Variants in KCNQ5 observed in about 807,000 individuals in gnomAD.
KCNQ5 encodes potassium voltage-gated channel subfamily KQT member 5.
In KCNQ5, 30 loss-of-function variants were observed where a neutral mutation model predicts 98.2. The observed-to-expected ratio is 0.31, with a 90% CI of 0.23 to 0.41. The LOEUF (loss-of-function observed/expected upper bound fraction) is 0.41, where lower values mean the gene tolerates loss of function less well. Ranked by LOEUF, KCNQ5 falls within the 10% of genes least tolerant of loss-of-function variation. The pLI is 1.00. For missense variants in KCNQ5, 835 were observed against 1,182.5 expected (o/e 0.71, Z 4.31); for synonymous variants, 458 against 449.4 (o/e 1.02, Z -0.24).
intron 1 of KCNQ5, among the ~76,000 whole-genome samples, chr6:72,637,530 G>A (rs151289337): frequency 6.6e-6 from 1 of 152,194 alleles, no homozygotes; most frequent in East Asian, 1.9e-4. Flanking sequence ...TCCCAGTGCA[G>A]CTAAGGTCAA....
intron 1 of KCNQ5, among the ~76,000 whole-genome samples, chr6:72,687,133 C>G (rs939042031): frequency 2.0e-5 from 3 of 152,122 alleles, no homozygotes; most frequent in Non-Finnish European, 2.9e-5. Context: ...TTACCTTGAG[C>G]AGCCAGAAGT....
At chr6:72,767,550 G>T (rs1284762062) in intron 1 of KCNQ5, among the ~76,000 whole-genome samples, 2 of 151,844 alleles carry the variant, frequency 1.3e-5, no homozygotes, top group African/African-American at 4.8e-5. Flanking sequence ...AGTGAAAAGA[G>T]AACCCACAGA....
chr6:72,714,490 A>G (rs1402210854), intron 1 of KCNQ5, among the ~76,000 whole-genome samples: 2 of 152,056 alleles, frequency 1.3e-5, no homozygotes, highest in Admixed American at 6.6e-5. Flanking sequence ...AACACATCCC[A>G]TGCAATATTG....
At chr6:73,048,367 CAT>C (rs1006104750) in intron 3 of KCNQ5, among the ~76,000 whole-genome samples, 103 of 152,194 alleles carry the variant, frequency 6.8e-4, no homozygotes, top group African/African-American at 2.4e-3. Context: ...AAGGTGGAGA[CAT>C]AAGGTCTCGT....
intron 1 of KCNQ5, among the ~76,000 whole-genome samples, chr6:72,854,758 T>TTGTGTGTGTG (rs34867008): frequency 7.4e-4 from 94 of 127,152 alleles, no homozygotes; most frequent in African/African-American, 2.6e-3. Flanking sequence ...ACACCATGGT[T>TTGTGTGTGTG]TGTGTGTGTG....
At chr6:72,941,865 C>T (rs955140333) in intron 1 of KCNQ5, among the ~76,000 whole-genome samples, 5 of 151,874 alleles carry the variant, frequency 3.3e-5, no homozygotes, top group African/African-American at 7.3e-5. Context: ...TAGTCTAATG[C>T]GGGGAAAAGT....
intron 1 of KCNQ5, among the ~76,000 whole-genome samples, chr6:72,903,375 G>C (rs1169704609): frequency 6.6e-6 from 1 of 152,024 alleles, no homozygotes; most frequent in East Asian, 1.9e-4. Flanking sequence ...TGCTAAGTTT[G>C]GGTTTGGTTT....
At chr6:72,735,128 G>T (rs943962230) in intron 1 of KCNQ5, among the ~76,000 whole-genome samples, 6 of 152,124 alleles carry the variant, frequency 3.9e-5, no homozygotes, top group African/African-American at 1.4e-4. Context: ...CTTGCTGTTG[G>T]ATAACTTGGT....
intron 1 of KCNQ5, among the ~76,000 whole-genome samples, chr6:72,654,864 A>G (rs1184357887): frequency 6.6e-6 from 1 of 152,144 alleles, no homozygotes; most frequent in Non-Finnish European, 1.5e-5. Context: ...TCAATGAACA[A>G]AGAAAACTGT....
At chr6:72,741,056 G>T (rs1488981406) in intron 1 of KCNQ5, among the ~76,000 whole-genome samples, 1 of 152,210 alleles carries the variant, frequency 6.6e-6, no homozygotes, top group Non-Finnish European at 1.5e-5. Context: ...AATTAGGGAA[G>T]AGAGTGCAGA....
intron 1 of KCNQ5, among the ~76,000 whole-genome samples, chr6:72,790,322 T>G (rs971409533): frequency 1.7e-4 from 26 of 152,120 alleles, no homozygotes; most frequent in African/African-American, 5.8e-4. Context: ...TAGAATGCAA[T>G]GAAGATGAAT....
intron 8 of KCNQ5, among the ~76,000 whole-genome samples, chr6:73,123,670 G>A (rs1161338246): frequency 6.6e-6 from 1 of 152,204 alleles, no homozygotes; most frequent in African/African-American, 2.4e-5. Flanking sequence ...CAAAGAGAGT[G>A]AAGCTGCAAA....
At chr6:73,133,802 G>T (rs573293317) in intron 10 of KCNQ5, 161 bp downstream of exon 10, 5 of 772,984 alleles carry the variant, frequency 6.5e-6, no homozygotes, top group Middle Eastern at 4.7e-4. Context: ...ATTGCCTTGG[G>T]CAAATGTACA....
chr6:72,777,522 CGA>C lies in KCNQ5; in HGVS notation c.398+154937_398+154938del, dbSNP rs576989569. Among the ~76,000 whole-genome samples, 667 of 152,226 alleles carry C rather than the reference CGA, an allele frequency of 4.4e-3. 5 individuals carry two copies. The highest frequency in any genetic ancestry group is 0.034 in the Middle Eastern group (10 of 294). ...AATCACAAGAAGCACACATTAGCCC[CGA>C]GCTACGTTTACACATTTTTCCACCT... is the stretch of plus-strand genomic sequence containing the variant. On this transcript the variant is annotated intron_variant, in intron 1 of 13. Transcript: ENST00000370398.
intron 3 of KCNQ5, among the ~76,000 whole-genome samples, chr6:73,047,973 G>C (rs746500613): frequency 1.7e-4 from 26 of 152,312 alleles, no homozygotes; most frequent in Admixed American, 3.3e-4. Context: ...AATTATGTTT[G>C]AGTCATCCAC....
intron 1 of KCNQ5, among the ~76,000 whole-genome samples, chr6:72,814,579 G>A (rs1582342897): frequency 6.6e-6 from 1 of 152,148 alleles, no homozygotes; most frequent in African/African-American, 2.4e-5. Flanking sequence ...TTTAAATTCT[G>A]TATGGCTTTC....
At chr6:73,173,854 A>G (rs1778107291) in intron 11 of KCNQ5, among the ~76,000 whole-genome samples, 1 of 152,122 alleles carries the variant, frequency 6.6e-6, no homozygotes, top group Non-Finnish European at 1.5e-5. Context: ...CTGCATATTT[A>G]TGGAAGAGCC....
At chr6:72,868,275 T>C (rs1475642050) in intron 1 of KCNQ5, among the ~76,000 whole-genome samples, 2 of 152,222 alleles carry the variant, frequency 1.3e-5, no homozygotes, top group African/African-American at 4.8e-5. Flanking sequence ...AAAAGCACTG[T>C]GTGTGTTATG....
intron 2 of KCNQ5, among the ~76,000 whole-genome samples, chr6:73,017,839 A>C (rs1770420772): frequency 1.3e-5 from 2 of 152,086 alleles, no homozygotes; most frequent in Admixed American, 1.3e-4. Flanking sequence ...ATGAAAGAAC[A>C]CTGCAGAAGA....
Sources: gnomAD v4.1 joint callset for allele counts (sites outside exome capture counted in the v4.1 genomes callset) on GRCh38, gnomAD v4.1.1 for gene constraint, MANE v1.5 for transcripts, NCBI Gene and HGNC (gene_info 2026-07-23, HGNC 2026-07-21) for gene names.